Variants in FGF12 observed in about 807,000 individuals in gnomAD.
FGF12 encodes fibroblast growth factor 12.
In FGF12, 14 loss-of-function variants were observed where a neutral mutation model predicts 23.6. The observed-to-expected ratio is 0.59, with a 90% CI of 0.39 to 0.93. The LOEUF is 0.93. Among genes scored for constraint, FGF12 ranks in the 40% least tolerant of loss-of-function variants. The pLI, the probability that FGF12 is intolerant of heterozygous loss-of-function variation, is 0.00. For synonymous variants in FGF12, 62 were observed against 77.3 expected (o/e 0.80, Z 1.04); for missense variants, 175 against 217.8 (o/e 0.80, Z 1.24).
intron 4 of FGF12, among the ~76,000 whole-genome samples, chr3:192,189,493 G>A (rs1393469069): frequency 6.6e-6 from 1 of 152,126 alleles, no homozygotes; most frequent in Non-Finnish European, 1.5e-5. Context: ...TTTTGTTGAA[G>A]CCCTATCCTC....
At chr3:192,664,603 T>A (rs2036587) in intron 2 of FGF12, among the ~76,000 whole-genome samples, 59,838 of 107,090 alleles carry the variant, frequency 0.56, 17,122 homozygotes, top group African/African-American at 0.6. Context: ...ACAAAAAAAA[T>A]ACAAAAAAAA....
At chr3:192,230,600 A>G (rs1718967467) in intron 4 of FGF12, among the ~76,000 whole-genome samples, 1 of 152,212 alleles carries the variant, frequency 6.6e-6, no homozygotes, top group Non-Finnish European at 1.5e-5. Flanking sequence ...ACCTGGAAAT[A>G]ACAATTCACA....
chr3:192,469,133 A>C (rs1268963696), intron 2 of FGF12, among the ~76,000 whole-genome samples: 1 of 152,174 alleles, frequency 6.6e-6, no homozygotes, highest in Non-Finnish European at 1.5e-5. Context: ...TAGTATCACA[A>C]GATGCTCCAG....
At chr3:192,442,063 G>C (rs754511935) in intron 2 of FGF12, among the ~76,000 whole-genome samples, 1 of 152,226 alleles carries the variant, frequency 6.6e-6, no homozygotes, top group African/African-American at 2.4e-5. Flanking sequence ...GCATTGTTGA[G>C]TGAGACTTTC....
At chr3:192,523,943 C>T (rs2108847385) in intron 2 of FGF12, among the ~76,000 whole-genome samples, 1 of 152,068 alleles carries the variant, frequency 6.6e-6, no homozygotes, top group South Asian at 2.1e-4. Context: ...TTCCAAAATG[C>T]AGATAGAAAA....
chr3:192,175,486 C>A (rs1015797083), intron 4 of FGF12, among the ~76,000 whole-genome samples: 1 of 152,130 alleles, frequency 6.6e-6, no homozygotes, highest in African/African-American at 2.4e-5. Context: ...ACAATTATTA[C>A]TTTAAAACCT....
chr3:192,678,023 A>G (rs966138512), intron 2 of FGF12, among the ~76,000 whole-genome samples: 6 of 152,332 alleles, frequency 3.9e-5, no homozygotes, highest in East Asian at 1.9e-4. Flanking sequence ...GTAAAACATC[A>G]TAAGAACAGT....
intron 5 of FGF12, among the ~76,000 whole-genome samples, chr3:192,146,060 T>C (rs1379389771): frequency 6.6e-6 from 1 of 152,216 alleles, no homozygotes; most frequent in African/African-American, 2.4e-5. Context: ...ACTATTCATA[T>C]GATACCATAA....
At chr3:192,244,410 T>C (rs1175984678) in intron 4 of FGF12, among the ~76,000 whole-genome samples, 7 of 152,068 alleles carry the variant, frequency 4.6e-5, no homozygotes, top group Non-Finnish European at 1.0e-4. Context: ...CCAAGAAATA[T>C]TAAGTGGAAA....
In FGF12 at chr3:192,587,496, T is replaced by C. The variant is rs375632767; in HGVS notation, c.13+139685A>G. On this transcript the variant is annotated intron_variant, in intron 2 of 5. Transcript: ENST00000445105. The stretch of plus-strand genomic sequence containing the variant: ...ATGTTTACATATAATAACAAAGAAA[T>C]AAATTCATGCCGAAAATCAACTCAA... Among the ~76,000 whole-genome samples, 5 of 151,770 alleles carry C rather than the reference T, an allele frequency of 3.3e-5. 1 individual carries two copies.
intron 2 of FGF12, among the ~76,000 whole-genome samples, chr3:192,695,648 G>A (rs1409264079): frequency 1.3e-5 from 2 of 152,078 alleles, no homozygotes; most frequent in African/African-American, 2.4e-5. Flanking sequence ...TCTAGTTCAG[G>A]ATTTATCAAT....
intron 4 of FGF12, among the ~76,000 whole-genome samples, chr3:192,252,840 T>C (rs1577284005): frequency 6.6e-6 from 1 of 152,170 alleles, no homozygotes; most frequent in Non-Finnish European, 1.5e-5. Context: ...AGATTAATTA[T>C]AATAAAAAGC....
chr3:192,523,027 T>C (rs1724860296), intron 2 of FGF12, among the ~76,000 whole-genome samples: 1 of 152,252 alleles, frequency 6.6e-6, no homozygotes, highest in Admixed American at 6.5e-5. Flanking sequence ...ATGTACCATA[T>C]GCATATTCTT....
intron 4 of FGF12, among the ~76,000 whole-genome samples, chr3:192,303,938 C>G (rs902840792): frequency 2.6e-5 from 4 of 152,174 alleles, no homozygotes; most frequent in African/African-American, 9.7e-5. Flanking sequence ...TTTAATATAG[C>G]TAATAGCTTC....
chr3:192,656,596 C>A (rs1318286967), intron 2 of FGF12, among the ~76,000 whole-genome samples: 1 of 152,134 alleles, frequency 6.6e-6, no homozygotes, highest in Non-Finnish European at 1.5e-5. Flanking sequence ...TGCTGTTAAC[C>A]AACCATCCTG....
At chr3:192,187,773 G>C (rs1716552877) in intron 4 of FGF12, among the ~76,000 whole-genome samples, 1 of 150,722 alleles carries the variant, frequency 6.6e-6, no homozygotes, top group African/African-American at 2.4e-5. Flanking sequence ...AAATAGAACA[G>C]ATGGAAAGAA....
intron 2 of FGF12, among the ~76,000 whole-genome samples, chr3:192,619,816 A>G (rs1045314923): frequency 6.6e-6 from 1 of 152,168 alleles, no homozygotes; most frequent in African/African-American, 2.4e-5. Flanking sequence ...CTTTTGTCAT[A>G]TCTTCAATCA....
intron 2 of FGF12, among the ~76,000 whole-genome samples, chr3:192,392,457 A>G (rs981877565): frequency 1.3e-5 from 2 of 151,624 alleles, no homozygotes; most frequent in African/African-American, 4.9e-5. Flanking sequence ...AAAGCTGGGC[A>G]TGGTGGCGCA....
intron 2 of FGF12, among the ~76,000 whole-genome samples, chr3:192,700,543 T>A (rs1010625348): frequency 5.9e-5 from 9 of 152,228 alleles, no homozygotes; most frequent in Non-Finnish European, 1.3e-4. Context: ...TATGTTTAAC[T>A]ACTTAACATG....
Sources: allele counts gnomAD v4.1 joint callset (sites outside exome capture counted in the v4.1 genomes callset), GRCh38; gene constraint gnomAD v4.1.1; transcripts MANE v1.5; gene names NCBI Gene and HGNC (gene_info 2026-07-23, HGNC 2026-07-21).